FOXP1: variants seen among roughly 807,000 people sequenced by gnomAD.
The protein encoded by FOXP1 is forkhead box protein P1.
Under a neutral mutation model 98.2 loss-of-function variants are expected in FOXP1, and 15 were observed. The ratio of observed to expected loss-of-function variants is 0.15; its 90% confidence interval spans 0.10 to 0.24. FOXP1 has a LOEUF of 0.24. Ranked by LOEUF, FOXP1 falls within the 10% of genes least tolerant of loss-of-function variation. The pLI, the probability that FOXP1 is intolerant of heterozygous loss-of-function variation, is 1.00. For missense variants in FOXP1, 633 were observed against 848.5 expected (o/e 0.75, Z 3.15); for synonymous variants, 371 against 314.5 (o/e 1.18, Z -1.90).
chr3:71,294,887 C>G lies in FOXP1; in HGVS notation c.-12+4933G>C, dbSNP rs1269126715. On this transcript the variant is annotated intron_variant, in intron 5 of 20. Transcript: ENST00000649528. The stretch of plus-strand genomic sequence containing the variant: ...TGCTTTGGACATCTCCATAGTGCGG[C>G]AACAACATAGCTTCAACCATATGAT... Among the ~76,000 whole-genome samples the G allele has an allele frequency of 3.9e-5, 6 of 152,128 alleles. No homozygotes were observed. The South Asian group carries it at 1.2e-3, about 32-fold the overall frequency.
intron 7 of FOXP1, among the ~76,000 whole-genome samples, chr3:71,058,892 T>TAA (rs776471899): frequency 7.2e-6 from 1 of 139,772 alleles, no homozygotes; most frequent in Non-Finnish European, 1.6e-5. Flanking sequence ...CTTAAAAAAA[T>TAA]AAAAAAAAAA....
At chr3:71,505,192 C>G (rs1017850332) in intron 2 of FOXP1, among the ~76,000 whole-genome samples, 5 of 152,078 alleles carry the variant, frequency 3.3e-5, no homozygotes, top group Non-Finnish European at 5.9e-5. Context: ...AGTTATAATT[C>G]TGTTCAGACC....
chr3:71,264,811 T>A (rs1456747219), intron 5 of FOXP1, among the ~76,000 whole-genome samples: 1 of 152,246 alleles, frequency 6.6e-6, no homozygotes, highest in Non-Finnish European at 1.5e-5. Context: ...TAACATTTAT[T>A]GAGTGTTCAT....
rs756433166 is a variant in FOXP1 at position 71,245,803 on chromosome 3, C to G, written c.-11-47411G>C. 2.0e-5 allele frequency among the ~76,000 whole-genome samples: 3 copies of G among 151,102 alleles called. 1 individual carries two copies. The highest frequency in any genetic ancestry group is 4.2e-4 in the South Asian group (2 of 4,758). The stretch of plus-strand genomic sequence containing the variant: ...TTTCCCACCTCCTCCAATCACCACC[C>G]CCCCCACCCACAAATAAACAAAAAG... On this transcript the variant is annotated intron_variant, in intron 5 of 20. Coordinates refer to ENST00000649528, the MANE Select transcript of FOXP1 (RefSeq NM_001349338.3).
At chr3:71,083,686 T>C (rs965282167) in intron 7 of FOXP1, among the ~76,000 whole-genome samples, 4 of 151,962 alleles carry the variant, frequency 2.6e-5, no homozygotes, top group East Asian at 1.9e-4. Context: ...ACGGAGCCAA[T>C]AGGAAAGAAA....
chr3:71,353,890 G>A (rs2107858700), intron 4 of FOXP1, among the ~76,000 whole-genome samples: 1 of 152,254 alleles, frequency 6.6e-6, no homozygotes, highest in South Asian at 2.1e-4. Flanking sequence ...AGAAATTGGT[G>A]TTAATAATGA....
Position 70,972,016 on chromosome 3 carries a change from G to A in FOXP1, c.1652+539C>T, listed in dbSNP as rs145813133. The A allele has an allele frequency of 1.2e-4, 177 of 1,432,334 alleles. 1 individual carries two copies. The East Asian group carries it at 3.1e-3, about 25-fold the overall frequency. 88.7% of individuals were successfully genotyped at this position (1,432,334 alleles called of 1,614,324 possible). A position where few individuals can be genotyped will look rare whatever the true frequency, so the allele number is the denominator to read the frequency against. ...AAGCAAGTAAAGGCTCTTACTGTGC[G>A]ACAAGCTCGTCAAAGTTTTCATCGG... is the stretch of plus-strand genomic sequence containing the variant. On this transcript the variant is annotated intron_variant, in intron 18 of 20. Coordinates refer to ENST00000649528, the MANE Select transcript of FOXP1 (RefSeq NM_001349338.3).
intron 2 of FOXP1, among the ~76,000 whole-genome samples, chr3:71,579,470 GA>G (rs1199733168): frequency 1.3e-5 from 2 of 152,066 alleles, no homozygotes; most frequent in Non-Finnish European, 2.9e-5. Flanking sequence ...ACAAGTTACA[GA>G]GAACTTGAAT....
chr3:71,112,587 T>G lies in FOXP1; in HGVS notation c.231A>C (p.Gln77His). Reference sequence around the variant, plus strand: ...TCTTGGGAGATTTTAATCCACTAACTTGCTGCTGCTGTTGCTGCTGAAGAA... The same window carrying G: ...TCTTGGGAGATTTTAATCCACTAACGTGCTGCTGCTGTTGCTGCTGAAGAA... ...QLLLQQQQQQQVSGLKSPKRN... is the reference protein window; with the variant it reads ...QLLLQQQQQQHVSGLKSPKRN... Residue 77 changes from glutamine to histidine, a missense_variant, in exon 7 of 21, where the codon CAA (glutamine) becomes CAC (histidine). Gln to His is a conservative substitution (Grantham distance 24). Around this residue, in one of 6 missense-constraint regions of FOXP1, gnomAD observed 210 missense variants for 270.6 expected, o/e 0.78. Coordinates refer to ENST00000649528, the MANE Select transcript of FOXP1 (RefSeq NM_001349338.3). 1 of 1,614,108 alleles carries G rather than the reference T, an allele frequency of 6.2e-7. No homozygotes were observed. Among genetic ancestry groups the G allele is most frequent in the Non-Finnish European group, 8.5e-7 (1 of 1,179,944 alleles).
chr3:71,029,315 T>G (rs536239300), intron 11 of FOXP1, among the ~76,000 whole-genome samples: 1 of 152,264 alleles, frequency 6.6e-6, no homozygotes, highest in African/African-American at 2.4e-5. Flanking sequence ...CCTTACAGCA[T>G]TCATTGTGTT....
chr3:71,183,880 T>G (rs909157541), intron 6 of FOXP1, among the ~76,000 whole-genome samples: 1 of 152,120 alleles, frequency 6.6e-6, no homozygotes, highest in Non-Finnish European at 1.5e-5. Context: ...GCGCCTGGCG[T>G]GGTGGCTCAC....
chr3:71,364,176 C>T (rs1184807653), intron 3 of FOXP1, among the ~76,000 whole-genome samples: 1 of 152,200 alleles, frequency 6.6e-6, no homozygotes, highest in Non-Finnish European at 1.5e-5. Flanking sequence ...ATCTCTTACC[C>T]AAATACATGG....
chr3:71,516,603 T>C (rs946571965), intron 2 of FOXP1, among the ~76,000 whole-genome samples: 4 of 152,188 alleles, frequency 2.6e-5, no homozygotes, highest in African/African-American at 9.7e-5. Flanking sequence ...CCTAGCACTT[T>C]GGGAGGCCAA....
At chr3:71,387,751 G>A (rs1449731787) in intron 3 of FOXP1, among the ~76,000 whole-genome samples, 9 of 152,268 alleles carry the variant, frequency 5.9e-5, no homozygotes, top group Admixed American at 3.3e-4. Context: ...TATTTATTAA[G>A]GACCCATGTG....
At chr3:71,453,466 G>T (rs1014851872) in intron 3 of FOXP1, among the ~76,000 whole-genome samples, 1 of 152,198 alleles carries the variant, frequency 6.6e-6, no homozygotes, top group African/African-American at 2.4e-5. Context: ...TTTGCAGTGT[G>T]ATCCCGGCAG....
At chr3:71,142,992 C>A (rs1006270361) in intron 6 of FOXP1, among the ~76,000 whole-genome samples, 6 of 152,094 alleles carry the variant, frequency 3.9e-5, no homozygotes, top group Non-Finnish European at 5.9e-5. Flanking sequence ...CAGGGCAGGG[C>A]TTGCATACTG....
At chr3:70,993,270 A>C (rs2040882620) in intron 13 of FOXP1, among the ~76,000 whole-genome samples, 1 of 151,980 alleles carries the variant, frequency 6.6e-6, no homozygotes, top group Non-Finnish European at 1.5e-5. Flanking sequence ...GTGTCACCGG[A>C]CTCCAGCCTT....
chr3:71,369,992 C>A (rs1333318106), intron 3 of FOXP1, among the ~76,000 whole-genome samples: 2 of 152,066 alleles, frequency 1.3e-5, no homozygotes, highest in Non-Finnish European at 2.9e-5. Context: ...GAAAAGATTT[C>A]GTGGAAGAAA....
At chr3:71,078,761 C>G (rs919692630) in intron 7 of FOXP1, among the ~76,000 whole-genome samples, 8 of 151,828 alleles carry the variant, frequency 5.3e-5, no homozygotes, top group African/African-American at 1.9e-4. Flanking sequence ...TTCACTGATG[C>G]AGCTAAAAAA....
Sources: allele counts gnomAD v4.1 joint callset (sites outside exome capture counted in the v4.1 genomes callset), GRCh38; gene constraint gnomAD v4.1.1; regional missense constraint gnomAD v4.1.1; transcripts MANE v1.5; gene names NCBI Gene and HGNC (gene_info 2026-07-23, HGNC 2026-07-21).